NPNT: variants seen among roughly 807,000 people sequenced by gnomAD.
The protein encoded by NPNT is nephronectin.
A neutral mutation model predicts 68.6 loss-of-function variants in NPNT; 45 were observed. The observed-to-expected ratio is 0.66, with a 90% CI of 0.52 to 0.84. The LOEUF is 0.84. NPNT is among the 40% of genes least tolerant of loss of function. NPNT has a pLI of 0.00. For missense variants in NPNT, 672 were observed against 714.8 expected (o/e 0.94, Z 0.68); for synonymous variants, 233 against 253.3 (o/e 0.92, Z 0.76).
At chr4:105,898,381 G>A (rs192701180) in intron 2 of NPNT, among the ~76,000 whole-genome samples, 12 of 48,908 alleles carry the variant, frequency 2.5e-4, no homozygotes, top group Admixed American at 2.3e-3. Flanking sequence ...TCTCTCTCTC[G>A]CTGACTCGCT....
intron 2 of NPNT, chr4:105,912,290 G>C: frequency 8.5e-7 from 1 of 1,174,296 alleles, no homozygotes; most frequent in East Asian, 2.6e-5. Flanking sequence ...TGTCTTGAAA[G>C]GCATACCTTC....
At chr4:105,960,106 A>T (rs368112544) in intron 10 of NPNT, among the ~76,000 whole-genome samples, 10 of 152,210 alleles carry the variant, frequency 6.6e-5, no homozygotes, top group South Asian at 2.1e-4. Context: ...CACCGCGCCC[A>T]GCCAGAAGTT....
rs1319188284 is a variant in NPNT at position 105,970,768 on chromosome 4, A to C, written c.*1778A>C. On this transcript the variant is annotated 3_prime_UTR_variant, in exon 12 of 12. Coordinates refer to ENST00000379987, the MANE Select transcript of NPNT (RefSeq NM_001033047.3). ...GTAACAAATTATAGAATTTCCCAAA[A>C]GATGTTTTGATCCTACTAGTAGTAT... is the stretch of plus-strand genomic sequence containing the variant. The C allele has an allele frequency of 8.2e-6, 3 of 364,704 alleles. No individual in the cohort carries two copies. Among genetic ancestry groups the C allele is most frequent in the Non-Finnish European group, 1.6e-5 (3 of 189,504 alleles). 22.6% of individuals were successfully genotyped at this position (364,704 alleles called of 1,614,324 possible). A position where few individuals can be genotyped will look rare whatever the true frequency, so the allele number is the denominator to read the frequency against.
At chr4:105,939,476 A>T (rs1313392265) in intron 5 of NPNT, among the ~76,000 whole-genome samples, 2 of 152,204 alleles carry the variant, frequency 1.3e-5, no homozygotes. Flanking sequence ...GCCTTCAAGG[A>T]CACAGGGGAG....
intron 3 of NPNT, among the ~76,000 whole-genome samples, chr4:105,928,347 C>T (rs1458736050): frequency 6.6e-6 from 1 of 152,154 alleles, no homozygotes; most frequent in Admixed American, 6.5e-5. Context: ...GGCGTGGTGG[C>T]TCACACCTGT....
chr4:105,912,319 T>C (rs1306952440), intron 2 of NPNT: 4 of 978,626 alleles, frequency 4.1e-6, no homozygotes, highest in African/African-American at 1.6e-5. Context: ...TTTACAAAGC[T>C]GTAAACAAAA....
At chr4:105,922,414 G>C (rs1405428051) in intron 2 of NPNT, among the ~76,000 whole-genome samples, 3 of 146,032 alleles carry the variant, frequency 2.1e-5, no homozygotes. Context: ...TTGAGATCAA[G>C]TCTCACTCTG....
At position 105,937,097 on chromosome 4, in the gene NPNT, A is replaced by G. The variant is rs1344718406; in HGVS notation, c.354A>G (p.Gly118=). The G allele has an allele frequency of 1.2e-6, 2 of 1,613,564 alleles. No homozygotes were observed. Among genetic ancestry groups the G allele is most frequent in the African/African-American group, 1.3e-5 (1 of 74,866 alleles). The change falls in exon 4 of 12, where the codon GGA becomes GGG. Residue 118 remains glycine (G), a synonymous_variant. Coordinates refer to ENST00000379987, the MANE Select transcript of NPNT (RefSeq NM_001033047.3). ...GCTACAAGTGCTACTGTCTCAACGG[A>G]TATATGCTCATGCCGGATGGTTCCT... ...YGSYKCYCLN[G]YMLMPDGSCS...
intron 9 of NPNT, chr4:105,958,825 A>G: frequency 3.6e-6 from 2 of 558,938 alleles, no homozygotes; most frequent in Non-Finnish European, 6.4e-6. Flanking sequence ...ATTTGGCAAC[A>G]CTTGTGTGTT....
At chr4:105,937,191 G>A in intron 4 of NPNT, 63 bp downstream of exon 4, 1 of 1,568,070 alleles carries the variant, frequency 6.4e-7, no homozygotes, top group East Asian at 2.3e-5. Context: ...TGCTCTGAGA[G>A]CTTGCTTTTG....
rs1246496964 is a variant in NPNT, at chr4:105,927,375, G to T, written c.212G>T (p.Gly71Val). ...CGATGCAAACATGGTGAATGTATCG[G>T]GCCAAACAAGTGCAAGTGTCATCCT... ...QPRCKHGECI[G>V]PNKCKCHPGY... The change falls in exon 3 of 12, where the codon GGG becomes GTG. Residue 71 changes from glycine to valine, a missense_variant. Coordinates refer to ENST00000379987, the MANE Select transcript of NPNT (RefSeq NM_001033047.3). The T allele has an allele frequency of 1.2e-6, 2 of 1,612,954 alleles. No homozygotes were observed. The highest frequency in any genetic ancestry group is 2.2e-5 in the South Asian group (2 of 91,014).
At chr4:105,928,188 C>T (rs1007450706) in intron 3 of NPNT, among the ~76,000 whole-genome samples, 1 of 151,258 alleles carries the variant, frequency 6.6e-6, no homozygotes, top group African/African-American at 2.5e-5. Context: ...CAACTTAGAG[C>T]TATGGCATAT....
Position 105,945,031 on chromosome 4 carries a change from T to C in NPNT, c.1159+2329T>C, listed in dbSNP as rs538318370. Among the ~76,000 whole-genome samples, 153 of 152,334 alleles carry C rather than the reference T, an allele frequency of 1.0e-3. 1 individual carries two copies. Among genetic ancestry groups the C allele is most frequent in the Non-Finnish European group, 1.5e-3 (103 of 68,014 alleles). On this transcript the variant is annotated intron_variant, in intron 8 of 11. Coordinates refer to ENST00000379987, the MANE Select transcript of NPNT (RefSeq NM_001033047.3). ...TTATTCTCCGAGACAGGTCTGAGAA[T>C]AGAATTTAGCTCACCTCATTTCATA...
At chr4:105,913,455 T>A (rs1451543942) in intron 2 of NPNT, among the ~76,000 whole-genome samples, 1 of 152,212 alleles carries the variant, frequency 6.6e-6, no homozygotes, top group African/African-American at 2.4e-5. Flanking sequence ...TTCCTATGAC[T>A]TACCACCTGT....
At chr4:105,916,952 A>G (rs536309333) in intron 2 of NPNT, among the ~76,000 whole-genome samples, 70 of 152,100 alleles carry the variant, frequency 4.6e-4, no homozygotes, top group African/African-American at 1.6e-3. Context: ...AAACAGTTTA[A>G]TGAGAAAATG....
chr4:105,947,658 G>A (rs72970410), intron 8 of NPNT, among the ~76,000 whole-genome samples: 3,499 of 152,184 alleles, frequency 0.023, 127 homozygotes, highest in African/African-American at 0.079. Context: ...ACTTTCAGGA[G>A]ATGACTCACT....
At chr4:105,947,217 C>T (rs1429633294) in intron 8 of NPNT, among the ~76,000 whole-genome samples, 2 of 152,070 alleles carry the variant, frequency 1.3e-5, no homozygotes, top group African/African-American at 2.4e-5. Flanking sequence ...TCCCTAAAAT[C>T]GCTGTTATTG....
chr4:105,901,180 G>A (rs767276498), intron 2 of NPNT, among the ~76,000 whole-genome samples: 8 of 152,116 alleles, frequency 5.3e-5, no homozygotes, highest in Non-Finnish European at 8.8e-5. Flanking sequence ...TTTCAGGGTT[G>A]CATATTTCAT....
In NPNT at chr4:105,970,640, A is replaced by G. The variant is rs548026181; in HGVS notation, c.*1650A>G. On this transcript the variant is annotated 3_prime_UTR_variant, in exon 12 of 12. Transcript: ENST00000379987. The stretch of plus-strand genomic sequence containing the variant: ...AGGGGCCATTGTTAGAATACTTCAT[A>G]AAAAAAGAAGTGTGAAAATCTCAGT... The G allele has an allele frequency of 4.9e-6, 3 of 608,596 alleles. No individual in the cohort carries two copies. The East Asian group carries it at 9.2e-5, about 19-fold the overall frequency. The allele number at this position is 608,596 out of a possible 1,614,324, so 37.7% of individuals were successfully genotyped here. A position where few individuals can be genotyped will look rare whatever the true frequency, so the allele number is the denominator to read the frequency against.
Sources: gnomAD v4.1 joint callset for allele counts (sites outside exome capture counted in the v4.1 genomes callset) on GRCh38, gnomAD v4.1.1 for gene constraint, MANE v1.5 for transcripts, NCBI Gene and HGNC (gene_info 2026-07-23, HGNC 2026-07-21) for gene names.